The following TPRG1 variants were observed in gnomAD, a reference collection of about 807,000 sequenced individuals.
TPRG1 encodes the protein tumor protein p63 regulated 1.
In TPRG1, 29 loss-of-function variants were observed where a neutral mutation model predicts 29.3. The observed-to-expected ratio is 0.99, with a 90% CI of 0.74 to 1.35. The LOEUF (loss-of-function observed/expected upper bound fraction) is 1.35, where lower values mean the gene tolerates loss of function less well. Ranked by LOEUF, TPRG1 falls within the 40% of genes most tolerant of loss-of-function variation. The pLI, the probability that TPRG1 is intolerant of heterozygous loss-of-function variation, is 0.00. For missense variants in TPRG1, 327 were observed against 335.0 expected (o/e 0.98, Z 0.19); for synonymous variants, 130 against 116.8 (o/e 1.11, Z -0.73).
chr3:189,234,077 C>T lies in TPRG1; in HGVS notation c.303-4656C>T, dbSNP rs575784519. ...TATTTTTAGTAGAGACAAGGTCTCC[C>T]TGTGTTGCCCAGGCTGGTCTCAAAC... On this transcript the variant is annotated intron_variant, in intron 3 of 5. Transcript: ENST00000345063. Among the ~76,000 whole-genome samples, 91 of 152,258 alleles carry T rather than the reference C, an allele frequency of 6.0e-4. 2 individuals carry two copies. The South Asian group carries it at 0.019, about 31-fold the overall frequency.
At chr3:189,118,723 T>A (rs1225858160) in intron 1 of TPRG1, among the ~76,000 whole-genome samples, 1 of 152,224 alleles carries the variant, frequency 6.6e-6, no homozygotes, top group Non-Finnish European at 1.5e-5. Context: ...CCTTGGCAGC[T>A]TCCATGTGGT....
chr3:189,300,058 A>T (rs1057471489), intron 4 of TPRG1, among the ~76,000 whole-genome samples: 10 of 152,218 alleles, frequency 6.6e-5, no homozygotes, highest in African/African-American at 2.4e-4. Flanking sequence ...GACCACACAT[A>T]AAAAAGTGAA....
intron 4 of TPRG1, among the ~76,000 whole-genome samples, chr3:189,281,923 C>T (rs1442452441): frequency 2.0e-5 from 3 of 151,826 alleles, no homozygotes; most frequent in African/African-American, 7.3e-5. Context: ...CTCTGTCGCC[C>T]AGGCTAGAGT....
At chr3:189,181,235 T>C (rs1180858142) in intron 1 of TPRG1, among the ~76,000 whole-genome samples, 1 of 152,312 alleles carries the variant, frequency 6.6e-6, no homozygotes, top group Non-Finnish European at 1.5e-5. Flanking sequence ...GGAGACATTT[T>C]CCCCATTTTC....
chr3:189,226,797 C>CAAAAAAAA (rs1175619202), intron 3 of TPRG1, among the ~76,000 whole-genome samples: 2 of 81,764 alleles, frequency 2.4e-5, no homozygotes, highest in Admixed American at 1.3e-4. Flanking sequence ...GCAAGGCTGA[C>CAAAAAAAA]AAAAAAAAAA....
chr3:189,194,944 G>T (rs1437389365), intron 1 of TPRG1, among the ~76,000 whole-genome samples: 2 of 152,080 alleles, frequency 1.3e-5, no homozygotes, highest in African/African-American at 4.8e-5. Flanking sequence ...ACCACTCTAG[G>T]GGGCTAGTCC....
intron 3 of TPRG1, among the ~76,000 whole-genome samples, chr3:189,235,946 C>A (rs1739394243): frequency 6.6e-6 from 1 of 152,190 alleles, no homozygotes; most frequent in Admixed American, 6.5e-5. Flanking sequence ...GTAAACCTTT[C>A]TGAGCTGTAC....
intron 4 of TPRG1, among the ~76,000 whole-genome samples, chr3:189,059,419 C>T (rs1002033565): frequency 3.4e-4 from 51 of 151,812 alleles, no homozygotes; most frequent in Admixed American, 3.2e-3. Flanking sequence ...GGTGAAACCC[C>T]GTCTCTACTA....
chr3:189,324,595 CAG>C lies in TPRG1; in HGVS notation c.*3778_*3779del, dbSNP rs1724573371. ...GCCCAAACAAAGCTGCGGAAGCTGGCAGAGCCAGCAGATATTTTGTAAGGCAG... is the reference window on the plus strand; with the variant it reads ...GCCCAAACAAAGCTGCGGAAGCTGGCAGCCAGCAGATATTTTGTAAGGCAG... On this transcript the variant is annotated 3_prime_UTR_variant, in exon 6 of 6. Transcript: ENST00000345063. The C allele has an allele frequency of 6.6e-6, 1 of 152,146 alleles. No individual in the cohort carries two copies. The highest frequency in any genetic ancestry group is 1.5e-5 in the Non-Finnish European group (1 of 68,046). The allele number at this position is 152,146 out of a possible 1,614,324, so 9.4% of individuals were successfully genotyped here.
intron 4 of TPRG1, among the ~76,000 whole-genome samples, chr3:189,052,224 C>A (rs75474807): frequency 6.6e-6 from 1 of 152,014 alleles, no homozygotes; most frequent in East Asian, 1.9e-4. Context: ...TCCAGAACTG[C>A]AATGAACTCA....
chr3:189,002,300 T>C (rs1712067091), intron 2 of TPRG1, among the ~76,000 whole-genome samples: 1 of 152,158 alleles, frequency 6.6e-6, no homozygotes, highest in Admixed American at 6.5e-5. Flanking sequence ...TTTTTTTTCC[T>C]TGTTACTTTC....
At chr3:189,173,146 G>C (rs902678905) in intron 1 of TPRG1, among the ~76,000 whole-genome samples, 1 of 151,864 alleles carries the variant, frequency 6.6e-6, no homozygotes, top group African/African-American at 2.4e-5. Flanking sequence ...TGCTCAAAAG[G>C]TTATATCATT....
At chr3:189,089,617 T>C (rs775720522) in intron 4 of TPRG1, among the ~76,000 whole-genome samples, 2 of 152,138 alleles carry the variant, frequency 1.3e-5, no homozygotes, top group Non-Finnish European at 2.9e-5. Context: ...GTCCCAAGGC[T>C]ATACAGAGCA....
intron 1 of TPRG1, among the ~76,000 whole-genome samples, chr3:189,123,964 C>G (rs1722131993): frequency 6.6e-6 from 1 of 152,180 alleles, no homozygotes; most frequent in Admixed American, 6.5e-5. Context: ...AGAGGTGGTA[C>G]TGCTGTATGA....
At chr3:189,014,010 G>A (rs1712790729) in intron 3 of TPRG1, among the ~76,000 whole-genome samples, 1 of 152,078 alleles carries the variant, frequency 6.6e-6, no homozygotes, top group Admixed American at 6.6e-5. Flanking sequence ...TACATTTAAG[G>A]TTAGTATTGT....
At chr3:189,302,876 G>C (rs1430377285) in intron 4 of TPRG1, among the ~76,000 whole-genome samples, 1 of 152,134 alleles carries the variant, frequency 6.6e-6, no homozygotes, top group Non-Finnish European at 1.5e-5. Context: ...GTCAATAGAA[G>C]TTTCGAAAAA....
intron 1 of TPRG1, among the ~76,000 whole-genome samples, chr3:188,997,324 T>A (rs1416154674): frequency 2.0e-5 from 3 of 152,220 alleles, no homozygotes; most frequent in Non-Finnish European, 2.9e-5. Flanking sequence ...TATTGCCTTA[T>A]GTGTCACTTT....
chr3:189,088,924 C>T (rs1718145856), intron 4 of TPRG1, among the ~76,000 whole-genome samples: 1 of 152,206 alleles, frequency 6.6e-6, no homozygotes, highest in African/African-American at 2.4e-5. Flanking sequence ...TAATGCTCTT[C>T]CTCTGTTTCT....
chr3:189,143,493 A>G (rs1270349522), intron 3 of TPRG1, among the ~76,000 whole-genome samples: 1 of 152,220 alleles, frequency 6.6e-6, no homozygotes, highest in African/African-American at 2.4e-5. Flanking sequence ...TGGAAGCTGG[A>G]TGCATATTTG....
Sources: gnomAD v4.1 joint callset for allele counts (sites outside exome capture counted in the v4.1 genomes callset) on GRCh38, gnomAD v4.1.1 for gene constraint, MANE v1.5 for transcripts, NCBI Gene and HGNC (gene_info 2026-07-23, HGNC 2026-07-21) for gene names.